NLRP5: variants seen among roughly 807,000 people sequenced by gnomAD.
The protein encoded by NLRP5 is NLR family pyrin domain containing 5.
NLRP5 carries 93 observed loss-of-function variants against 113.1 expected under a neutral mutation model. The ratio of observed to expected loss-of-function variants is 0.82; its 90% confidence interval spans 0.70 to 0.98. NLRP5 has a LOEUF of 0.98. Among genes scored for constraint, NLRP5 ranks in the 50% least tolerant of loss-of-function variants. The pLI is 0.00. For synonymous variants in NLRP5, 751 were observed against 600.7 expected (o/e 1.25, Z -3.66); for missense variants, 1,808 against 1,514.3 (o/e 1.19, Z -3.22).
intron 6 of NLRP5, among the ~76,000 whole-genome samples, chr19:56,023,230 A>G (rs1172338949): frequency 6.6e-6 from 1 of 152,182 alleles, no homozygotes; most frequent in African/African-American, 2.4e-5. Context: ...TTGAATGCAG[A>G]CTGGCTTCCT....
At chr19:55,993,066 C>T in the NLRP5 span, among the ~76,000 whole-genome samples, 1 of 151,870 alleles carries the variant, frequency 6.6e-6, no homozygotes, top group Non-Finnish European at 1.5e-5. Context: ...TCAGGCTGGT[C>T]TTGAACTCCC....
Position 56,051,344 on chromosome 19 carries a change from C to G in NLRP5, c.3128+756C>G, listed in dbSNP as rs141450792. ...AGTAGCTGGGATTACAGGCATGTGCCACCAGTCCCGGCTAATTTTTGTACT... is the reference window on the plus strand; with the variant it reads ...AGTAGCTGGGATTACAGGCATGTGCGACCAGTCCCGGCTAATTTTTGTACT... On this transcript the variant is annotated intron_variant, in intron 12 of 14. Transcript: ENST00000390649. 2.4e-3 allele frequency among the ~76,000 whole-genome samples: 371 copies of G among 152,228 alleles called. 1 individual carries two copies. The highest frequency in any genetic ancestry group is 8.0e-3 in the African/African-American group (332 of 41,540).
chr19:56,038,302 C>T, intron 10 of NLRP5, 107 bp downstream of exon 10: 2 of 1,259,590 alleles, frequency 1.6e-6, no homozygotes, highest in South Asian at 1.4e-5. Context: ...ATGTACAAAC[C>T]AGGGGTGAGG....
At chr19:56,017,207 A>G (rs1020108291) in intron 4 of NLRP5, among the ~76,000 whole-genome samples, 1 of 152,098 alleles carries the variant, frequency 6.6e-6, no homozygotes, top group Non-Finnish European at 1.5e-5. Context: ...CAGTCTGGCT[A>G]AAGGTCTGTC....
intron 7 of NLRP5, among the ~76,000 whole-genome samples, chr19:56,028,711 A>G (rs1209175022): frequency 2.6e-5 from 4 of 152,138 alleles, no homozygotes; most frequent in Non-Finnish European, 4.4e-5. Context: ...TTCACAATAC[A>G]GGGCCCCGCC....
chr19:56,050,679 C>A (rs1439204440), intron 12 of NLRP5, 91 bp downstream of exon 12: 2 of 1,262,852 alleles, frequency 1.6e-6, no homozygotes, highest in Admixed American at 2.4e-5. Context: ...AGACCGGAAC[C>A]AAAAACTGCT....
chr19:55,995,843 AG>A (rs1308419386), upstream of NLRP5, among the ~76,000 whole-genome samples: 4 of 151,988 alleles, frequency 2.6e-5, no homozygotes, highest in African/African-American at 7.3e-5. Context: ...GCTATTATAA[AG>A]GACATTGCTT....
intron 3 of NLRP5, 95 bp downstream of exon 3, chr19:56,008,948 T>A: frequency 9.4e-7 from 1 of 1,066,066 alleles, no homozygotes; most frequent in Non-Finnish European, 1.4e-6. Context: ...CTTCTGATAG[T>A]CTAGTGTTCT....
the NLRP5 span, among the ~76,000 whole-genome samples, chr19:55,992,141 T>C: frequency 1.3e-5 from 2 of 152,184 alleles, no homozygotes; most frequent in Non-Finnish European, 1.5e-5. Context: ...GTTCCTGTCT[T>C]AGTTTGCTTA....
rs753182941 is a variant in NLRP5, at chr19:56,032,738, T to A, written c.2404T>A (p.Cys802Ser). The change falls in exon 8 of 15, where the codon TGT becomes AGT. Residue 802 changes from cysteine (C) to serine (S), a missense_variant. Transcript: ENST00000390649. ...GACAGAGCGGGCCATGAAGACCCTG[T>A]GTGCCAAGCTGAGGCATCCCACCTG... 5 of 1,612,654 alleles carry A rather than the reference T, an allele frequency of 3.1e-6. No individual in the cohort carries two copies. Among genetic ancestry groups the A allele is most frequent in the Non-Finnish European group, 4.2e-6 (5 of 1,179,674 alleles).
chr19:56,024,373 ATG>A, intron 6 of NLRP5, among the ~76,000 whole-genome samples: 1 of 133,766 alleles, frequency 7.5e-6, no homozygotes. Flanking sequence ...ATATATATAT[ATG>A]TGTATATATA....
chr19:56,050,621 T>C (rs538026720), intron 12 of NLRP5, 33 bp downstream of exon 12: 1 of 1,602,636 alleles, frequency 6.2e-7, no homozygotes, highest in Admixed American at 1.7e-5. Context: ...GTCAACTCTA[T>C]CATACTGGGG....
chr19:55,991,291 A>G, the NLRP5 span, among the ~76,000 whole-genome samples: 1 of 152,192 alleles, frequency 6.6e-6, no homozygotes, highest in Non-Finnish European at 1.5e-5. Flanking sequence ...GTGACCTTCT[A>G]TCGTAGATGT....
chr19:56,010,629 C>T (rs895901686), intron 3 of NLRP5, among the ~76,000 whole-genome samples: 4 of 150,782 alleles, frequency 2.7e-5, no homozygotes, highest in African/African-American at 7.3e-5. Flanking sequence ...GGCATGTGCC[C>T]GTAATCCTAG....
intron 3 of NLRP5, among the ~76,000 whole-genome samples, chr19:56,012,289 T>C (rs1368541945): frequency 6.6e-6 from 1 of 151,964 alleles, no homozygotes; most frequent in Non-Finnish European, 1.5e-5. Flanking sequence ...GCTGGGACTA[T>C]AGGCACCTGC....
chr19:56,014,503 A>G (rs1466279499), intron 3 of NLRP5, among the ~76,000 whole-genome samples: 1 of 151,894 alleles, frequency 6.6e-6, no homozygotes, highest in African/African-American at 2.4e-5. Context: ...AAAATTGCTT[A>G]ACCCAAAATC....
rs1377359300 is a variant in NLRP5, at chr19:56,003,804, A to G, written c.151A>G (p.Lys51Glu). 1.2e-6 allele frequency: 2 copies of G among 1,613,996 alleles called. No homozygotes were observed. Among genetic ancestry groups the G allele is most frequent in the South Asian group, 2.2e-5 (2 of 91,084 alleles). ...AAACCTGAGCTCTCAGCCTTGTATC[A>G]AGATGGAAGGAGACAAATCGCTCAC... Residue 51 changes from lysine to glutamate, a missense_variant, in exon 2 of 15, where the codon AAG becomes GAG. Lys to Glu is a moderately conservative substitution (Grantham distance 56, BLOSUM62 1). Transcript: ENST00000390649.
intron 4 of NLRP5, chr19:56,018,597 CTTTT>C (rs916321118): frequency 2.6e-5 from 4 of 152,252 alleles, no homozygotes; most frequent in South Asian, 2.1e-4. Context: ...AAATCCAATT[CTTTT>C]TTTAAGAGAG....
At chr19:56,039,780 G>A (rs1258319996) in intron 10 of NLRP5, among the ~76,000 whole-genome samples, 1 of 152,100 alleles carries the variant, frequency 6.6e-6, no homozygotes, top group African/African-American at 2.4e-5. Context: ...TGTGCATGGT[G>A]GCAGGCGCCT....
Sources: gnomAD v4.1 joint callset for allele counts (sites outside exome capture counted in the v4.1 genomes callset) on GRCh38, gnomAD v4.1.1 for gene constraint, MANE v1.5 for transcripts, NCBI Gene and HGNC (gene_info 2026-07-23, HGNC 2026-07-21) for gene names.